Variants in FBXL7 observed in about 807,000 individuals in gnomAD.
FBXL7 encodes F-box/LRR-repeat protein 7.
FBXL7 carries 12 observed loss-of-function variants against 38.3 expected under a neutral mutation model. The observed-to-expected ratio is 0.31, with a 90% CI of 0.20 to 0.51. FBXL7 has a LOEUF of 0.51. FBXL7 is among the 20% of genes least tolerant of loss of function. FBXL7 has a pLI of 0.98. For missense variants in FBXL7, 567 were observed against 676.4 expected, an observed-to-expected ratio of 0.84 and a Z score of 1.79; for synonymous variants, 297 against 300.9, an observed-to-expected ratio of 0.99 and a Z score of 0.13.
chr5:15,731,000 C>G (rs752668875), intron 2 of FBXL7, among the ~76,000 whole-genome samples: 1 of 152,166 alleles, frequency 6.6e-6, no homozygotes, highest in Non-Finnish European at 1.5e-5. Context: ...GCTAAGCTCT[C>G]TTATTACTGA....
At chr5:15,596,005 G>A (rs1462787423) in intron 1 of FBXL7, among the ~76,000 whole-genome samples, 1 of 152,218 alleles carries the variant, frequency 6.6e-6, no homozygotes, top group African/African-American at 2.4e-5. Flanking sequence ...TAGGGCTGCT[G>A]TAAGAGTTAA....
intron 2 of FBXL7, among the ~76,000 whole-genome samples, chr5:15,740,762 C>T (rs1353022223): frequency 6.6e-6 from 1 of 151,970 alleles, no homozygotes; most frequent in Non-Finnish European, 1.5e-5. Context: ...GAGAAGAAAT[C>T]AGGCAAAGGG....
chr5:15,802,528 T>G (rs940596791), intron 2 of FBXL7, among the ~76,000 whole-genome samples: 5 of 152,148 alleles, frequency 3.3e-5, no homozygotes, highest in Admixed American at 2.0e-4. Context: ...CTCTTTTTTC[T>G]TGAACACTTT....
At chr5:15,565,652 T>G (rs570081645) in intron 1 of FBXL7, among the ~76,000 whole-genome samples, 1 of 152,090 alleles carries the variant, frequency 6.6e-6, no homozygotes, top group East Asian at 1.9e-4. Context: ...ATATCTACAG[T>G]CAGCAAGCCT....
chr5:15,567,107 C>G lies in FBXL7; in HGVS notation c.38-48876C>G, dbSNP rs55877383. 2.0e-3 allele frequency among the ~76,000 whole-genome samples: 308 copies of G among 152,270 alleles called. 1 individual carries two copies. Among genetic ancestry groups the G allele is most frequent in the Non-Finnish European group, 2.8e-3 (190 of 68,022 alleles). ...AGGGCAACAACATCCTGAATTTTAACTCTTCTAGCAGCTCATCAGCATCAT... is the reference window on the plus strand; with the variant it reads ...AGGGCAACAACATCCTGAATTTTAAGTCTTCTAGCAGCTCATCAGCATCAT... On this transcript the variant is annotated intron_variant, in intron 1 of 3. Coordinates refer to ENST00000504595, the MANE Select transcript of FBXL7 (RefSeq NM_012304.5).
At chr5:15,656,231 G>T (rs1222284494) in intron 2 of FBXL7, among the ~76,000 whole-genome samples, 4 of 152,286 alleles carry the variant, frequency 2.6e-5, no homozygotes, top group African/African-American at 9.6e-5. Flanking sequence ...AATAAACTTT[G>T]TGAAGTTGTG....
intron 1 of FBXL7, among the ~76,000 whole-genome samples, chr5:15,537,299 A>G (rs764606919): frequency 6.6e-6 from 1 of 152,208 alleles, no homozygotes; most frequent in South Asian, 2.1e-4. Flanking sequence ...TTCCATCTGT[A>G]TATCTTCTTT....
intron 1 of FBXL7, among the ~76,000 whole-genome samples, chr5:15,605,294 C>T (rs1395013326): frequency 6.6e-6 from 1 of 152,164 alleles, no homozygotes; most frequent in African/African-American, 2.4e-5. Context: ...TCCGTCATTG[C>T]AGCAGCATTC....
At chr5:15,651,616 A>G (rs1327903987) in intron 2 of FBXL7, among the ~76,000 whole-genome samples, 2 of 152,170 alleles carry the variant, frequency 1.3e-5, no homozygotes, top group Non-Finnish European at 2.9e-5. Flanking sequence ...TATTCAGTAA[A>G]CTATACTAAA....
At chr5:15,621,187 C>T (rs1740628609) in intron 2 of FBXL7, among the ~76,000 whole-genome samples, 1 of 152,182 alleles carries the variant, frequency 6.6e-6, no homozygotes, top group Non-Finnish European at 1.5e-5. Flanking sequence ...AAAGAATTGG[C>T]AGTCAGCAGG....
chr5:15,799,447 C>T (rs1054650574), intron 2 of FBXL7, among the ~76,000 whole-genome samples: 4 of 148,740 alleles, frequency 2.7e-5, no homozygotes, highest in East Asian at 2.0e-4. Flanking sequence ...CCTCAACCTC[C>T]GCCTCCTGGA....
At chr5:15,896,905 G>A (rs1453354043) in intron 2 of FBXL7, among the ~76,000 whole-genome samples, 3 of 152,268 alleles carry the variant, frequency 2.0e-5, no homozygotes, top group Admixed American at 6.5e-5. Flanking sequence ...AGGCTGAGGT[G>A]GGCAGATCAC....
chr5:15,806,161 T>C (rs1737706775), intron 2 of FBXL7, among the ~76,000 whole-genome samples: 1 of 152,194 alleles, frequency 6.6e-6, no homozygotes, highest in South Asian at 2.1e-4. Flanking sequence ...TATTTAAAAC[T>C]TAACTCTTTT....
chr5:15,762,597 T>G (rs1287724459), intron 2 of FBXL7, among the ~76,000 whole-genome samples: 2 of 152,218 alleles, frequency 1.3e-5, no homozygotes, highest in Non-Finnish European at 2.9e-5. Context: ...AAGCCTCACT[T>G]TCTTCATTTG....
intron 2 of FBXL7, among the ~76,000 whole-genome samples, chr5:15,808,721 C>T (rs1421167127): frequency 6.6e-6 from 1 of 152,186 alleles, no homozygotes; most frequent in Non-Finnish European, 1.5e-5. Context: ...GGACTCTGCA[C>T]ACAGGCAGTG....
chr5:15,807,807 G>A lies in FBXL7; in HGVS notation c.128-120083G>A, dbSNP rs562618469. On this transcript the variant is annotated intron_variant, in intron 2 of 3. Transcript: ENST00000504595. The stretch of plus-strand genomic sequence containing the variant: ...CAAATTACACAGATTTCTAGCAGCA[G>A]GGCACCCCCAGAAGCAATTCAGTGT... 1.6e-3 allele frequency among the ~76,000 whole-genome samples: 248 copies of A among 152,046 alleles called. 1 individual carries two copies. The highest frequency in any genetic ancestry group is 2.9e-3 in the Non-Finnish European group (199 of 68,012).
At chr5:15,862,056 G>A (rs1739498288) in intron 2 of FBXL7, among the ~76,000 whole-genome samples, 1 of 152,136 alleles carries the variant, frequency 6.6e-6, no homozygotes, top group Non-Finnish European at 1.5e-5. Flanking sequence ...TTTGAGAATG[G>A]AAAGAAAAGA....
intron 2 of FBXL7, among the ~76,000 whole-genome samples, chr5:15,695,937 C>T (rs936878965): frequency 2.3e-4 from 35 of 152,238 alleles, no homozygotes; most frequent in Admixed American, 5.9e-4. Flanking sequence ...ACCAGGTGTA[C>T]GTTCCTCCTT....
intron 2 of FBXL7, among the ~76,000 whole-genome samples, chr5:15,693,545 C>G (rs1048017228): frequency 6.6e-6 from 1 of 152,140 alleles, no homozygotes; most frequent in Admixed American, 6.6e-5. Flanking sequence ...GCCCATGGAC[C>G]TAAGTGAGAA....
Sources: allele counts gnomAD v4.1 joint callset (sites outside exome capture counted in the v4.1 genomes callset), GRCh38; gene constraint gnomAD v4.1.1; transcripts MANE v1.5; gene names NCBI Gene and HGNC (gene_info 2026-07-23, HGNC 2026-07-21).